ZNF836: variants seen among roughly 807,000 people sequenced by gnomAD.
The protein encoded by ZNF836 is zinc finger protein 836.
A neutral mutation model predicts 7.4 loss-of-function variants in ZNF836; 12 were observed. That is an observed-to-expected ratio of 1.61 (90% CI 1.03 to 2.61). The LOEUF (loss-of-function observed/expected upper bound fraction) is 2.61. ZNF836 is among the 30% of genes most tolerant of loss of function. The pLI is 0.00. For synonymous variants in ZNF836, 365 were observed against 382.6 expected (o/e 0.95, Z 0.54); for missense variants, 998 against 1,126.2 (o/e 0.89, Z 1.63).
At position 52,155,847 on chromosome 19, in the gene ZNF836, A is replaced by G; in HGVS notation, c.1836T>C (p.Cys612=). The G allele has an allele frequency of 6.2e-7, 1 of 1,614,010 alleles. No homozygotes were observed. Among genetic ancestry groups the G allele is most frequent in the South Asian group, 1.1e-5 (1 of 91,076 alleles). Residue 612 remains cysteine, a synonymous_variant, in exon 5 of 5, where the codon TGT becomes TGC. Coordinates refer to ENST00000682614, the MANE Select transcript of ZNF836 (RefSeq NM_001102657.3). Reference sequence around the variant, plus strand: ...CATTGAAGACCTTGCCACACACATTACATTTGTAAGGTTTCTGCCCAGTAT... The same window carrying G: ...CATTGAAGACCTTGCCACACACATTGCATTTGTAAGGTTTCTGCCCAGTAT... ...RIHTGQKPYK[C]NVCGKVFNDS... is the part of the protein sequence containing the mutation.
chr19:52,164,031 A>AGAAG (rs1042875086), intron 3 of ZNF836, among the ~76,000 whole-genome samples: 127 of 143,764 alleles, frequency 8.8e-4, no homozygotes, highest in African/African-American at 2.9e-3. Flanking sequence ...GAAAAGAAAA[A>AGAAG]GAAGGAAGGA....
chr19:52,154,881 C>T lies in ZNF836; in HGVS notation c.2802G>A (p.Gly934=). ...EKPLDVLLTS[G]FK ...TATCAATAAGTATGAATTATTTGAA[C>T]CCAGAAGTTAGGAGAACATCTAAAG... Residue 934 remains glycine, a synonymous_variant, in exon 5 of 5, where the codon GGG becomes GGA. Coordinates refer to ENST00000682614, the MANE Select transcript of ZNF836 (RefSeq NM_001102657.3). 1 of 1,516,736 alleles carries T rather than the reference C, an allele frequency of 6.6e-7. No homozygotes were observed. Among genetic ancestry groups the T allele is most frequent in the Non-Finnish European group, 8.8e-7 (1 of 1,135,142 alleles). The allele number at this position is 1,516,736 out of a possible 1,614,324, so 94.0% of individuals were successfully genotyped here.
intron 4 of ZNF836, 85 bp from the exon 5 acceptor site, chr19:52,157,625 G>T: frequency 7.7e-7 from 1 of 1,296,834 alleles, no homozygotes; most frequent in Admixed American, 3.5e-5. Context: ...GGCTGGAGTG[G>T]AGTGGCACAA....
rs559467225 is a variant in ZNF836, at chr19:52,155,868, A to G, written c.1815T>C (p.Thr605=). 6.2e-7 allele frequency: 1 copy of G among 1,613,776 alleles called. No homozygotes were observed. Among genetic ancestry groups the G allele is most frequent in the Admixed American group, 1.7e-5 (1 of 59,986 alleles). The change falls in exon 5 of 5, where the codon ACT becomes ACC. Residue 605 remains threonine, a synonymous_variant. Coordinates refer to ENST00000682614, the MANE Select transcript of ZNF836 (RefSeq NM_001102657.3). ...CATTACATTTGTAAGGTTTCTGCCC[A>G]GTATGAATTCTTAGATGACGTGCTA... ...SCLARHLRIH[T]GQKPYKCNVC...
chr19:52,171,200 A>T (rs567226641), intron 1 of ZNF836, 136 bp downstream of exon 1: 22 of 152,532 alleles, frequency 1.4e-4, no homozygotes, highest in African/African-American at 4.8e-4. Flanking sequence ...GGGCCGAAGC[A>T]GAGGTCAGTA....
At position 52,156,264 on chromosome 19, in the gene ZNF836, A is replaced by C; in HGVS notation, c.1419T>G (p.Asn473Lys). The C allele has an allele frequency of 1.2e-6, 2 of 1,614,168 alleles. No individual in the cohort carries two copies. The highest frequency in any genetic ancestry group is 1.7e-6 in the Non-Finnish European group (2 of 1,180,030). ...SHTGEKPYKC[N>K]ECGKVFSQTS... ...TCTGACTGAAGACCTTGCCACATTC[A>C]TTGCATTTGTAAGGTTTCTCTCCAG... The change falls in exon 5 of 5, where the codon AAT becomes AAG. Residue 473 changes from asparagine (N) to lysine (K), a missense_variant. Physicochemically the swap from Asn to Lys is moderately conservative, Grantham distance 94. Coordinates refer to ENST00000682614, the MANE Select transcript of ZNF836 (RefSeq NM_001102657.3).
At chr19:52,163,161 T>C (rs2089229194) in intron 3 of ZNF836, among the ~76,000 whole-genome samples, 1 of 152,228 alleles carries the variant, frequency 6.6e-6, no homozygotes, top group Admixed American at 6.5e-5. Flanking sequence ...CTCAAAGATC[T>C]CTAAAATGCC....
intron 2 of ZNF836, among the ~76,000 whole-genome samples, chr19:52,168,818 T>G (rs1398364695): frequency 1.3e-5 from 2 of 152,082 alleles, no homozygotes; most frequent in Non-Finnish European, 2.9e-5. Flanking sequence ...TGCAACAACA[T>G]GGATGAACCT....
At position 52,162,234 on chromosome 19, in the gene ZNF836, C is replaced by T. The variant is rs151216436; in HGVS notation, c.16-1643G>A. On this transcript the variant is annotated intron_variant, in intron 3 of 4. Transcript: ENST00000682614. Reference sequence around the variant, plus strand: ...TTTTGGGGTCTCAAAGGTGGCCCTGCTCCCAGGGCTTTACTGGACCTTATC... The same window carrying T: ...TTTTGGGGTCTCAAAGGTGGCCCTGTTCCCAGGGCTTTACTGGACCTTATC... 1.2e-4 allele frequency among the ~76,000 whole-genome samples: 18 copies of T among 152,308 alleles called. No individual in the cohort carries two copies. In the East Asian group the frequency reaches 3.3e-3, roughly 28 times the overall value.
chr19:52,167,310 A>G (rs2122230020), intron 3 of ZNF836, among the ~76,000 whole-genome samples: 1 of 151,744 alleles, frequency 6.6e-6, no homozygotes, highest in South Asian at 2.1e-4. Flanking sequence ...CATCTCTACT[A>G]AAAATACAAA....
rs375781569 is a variant in ZNF836 at position 52,154,847 on chromosome 19, T to C, written c.*25A>G. 1,636 of 1,473,954 alleles carry C rather than the reference T, an allele frequency of 1.1e-3. 1 individual carries two copies. The highest frequency in any genetic ancestry group is 1.4e-3 in the Non-Finnish European group (1,533 of 1,110,620). 91.3% of individuals were successfully genotyped at this position (1,473,954 alleles called of 1,614,324 possible). A position where few individuals can be genotyped will look rare whatever the true frequency, so the allele number is the denominator to read the frequency against. ...AGATTTCAGACGGAAGTGACAAATA[T>C]ACAAGCTATATCAATAAGTATGAAT... On this transcript the variant is annotated 3_prime_UTR_variant, in exon 5 of 5. Transcript: ENST00000682614.
intron 3 of ZNF836, among the ~76,000 whole-genome samples, chr19:52,166,928 GCAAA>G (rs2089270228): frequency 6.6e-6 from 1 of 151,454 alleles, no homozygotes; most frequent in South Asian, 2.1e-4. Context: ...GACTTTTACT[GCAAA>G]CAAATATATT....
At chr19:52,159,355 G>A (rs996219296) in intron 4 of ZNF836, among the ~76,000 whole-genome samples, 6 of 152,108 alleles carry the variant, frequency 3.9e-5, no homozygotes, top group African/African-American at 1.2e-4. Flanking sequence ...AATAAGGACA[G>A]TAAGACTGCC....
rs2089129970 is a variant in ZNF836, at chr19:52,154,214, CTAA to C, written c.*655_*657del. On this transcript the variant is annotated 3_prime_UTR_variant, in exon 5 of 5. Coordinates refer to ENST00000682614, the MANE Select transcript of ZNF836 (RefSeq NM_001102657.3). ...TACAGGCATGCATCACCATGCCTGG[CTAA>C]TGTTTATATTTTAGTAGAGACAACT... is the stretch of plus-strand genomic sequence containing the variant. 1 of 151,982 alleles carries C rather than the reference CTAA, an allele frequency of 6.6e-6. No homozygotes were observed. The highest frequency in any genetic ancestry group is 2.4e-5 in the African/African-American group (1 of 41,384). 9.4% of individuals were successfully genotyped at this position (151,982 alleles called of 1,614,324 possible).
intron 4 of ZNF836, among the ~76,000 whole-genome samples, chr19:52,158,239 A>G (rs2089183719): frequency 6.6e-6 from 1 of 152,180 alleles, no homozygotes; most frequent in African/African-American, 2.4e-5. Flanking sequence ...AGTTATATAC[A>G]TATATATTTA....
At chr19:52,168,895 A>G (rs1052592691) in intron 2 of ZNF836, among the ~76,000 whole-genome samples, 18 of 152,218 alleles carry the variant, frequency 1.2e-4, no homozygotes, top group Non-Finnish European at 7.3e-5. Flanking sequence ...CCTCACAAGC[A>G]GAATTTTAAA....
In ZNF836 at chr19:52,157,471, T is replaced by C; in HGVS notation, c.212A>G (p.Gln71Arg). 6.3e-7 allele frequency: 1 copy of C among 1,590,648 alleles called. No individual in the cohort carries two copies. Among genetic ancestry groups the C allele is most frequent in the Non-Finnish European group, 8.5e-7 (1 of 1,172,484 alleles). The change falls in exon 5 of 5, where the codon CAA becomes CGA. Residue 71 changes from glutamine (Q) to arginine (R), a missense_variant. Physicochemically the swap from Gln to Arg is conservative, Grantham distance 43. Coordinates refer to ENST00000682614, the MANE Select transcript of ZNF836 (RefSeq NM_001102657.3). ...IGNSNTGEKC[Q>R]TVTLERHECY... ...TTCATGTCTTTCCAGCGTCACTGTTTGGCATTTTTCTCCTGTATTACTGTT... is the reference window on the plus strand; with the variant it reads ...TTCATGTCTTTCCAGCGTCACTGTTCGGCATTTTTCTCCTGTATTACTGTT...
chr19:52,166,466 ATC>A (rs1458383627), intron 3 of ZNF836, among the ~76,000 whole-genome samples: 3 of 151,966 alleles, frequency 2.0e-5, no homozygotes, highest in Admixed American at 2.0e-4. Flanking sequence ...CATATCCATC[ATC>A]TCAGAGGTAC....
At position 52,156,468 on chromosome 19, in the gene ZNF836, C is replaced by CTGAT; in HGVS notation, c.1211_1214dup (p.Thr406SerfsTer5). ...AAGGTTTGTTTCCACTATGAACTGT[C>CTGAT]TGATGAGTTGCCAGGTTGGAACTTT... On this transcript the variant is annotated frameshift_variant, in exon 5 of 5. Coordinates refer to ENST00000682614, the MANE Select transcript of ZNF836 (RefSeq NM_001102657.3). LOFTEE classifies it low-confidence loss of function (END_TRUNC). 1 of 1,614,144 alleles carries CTGAT rather than the reference C, an allele frequency of 6.2e-7. No homozygotes were observed. Among genetic ancestry groups the CTGAT allele is most frequent in the Non-Finnish European group, 8.5e-7 (1 of 1,180,036 alleles).
Sources: gnomAD v4.1 joint callset for allele counts (sites outside exome capture counted in the v4.1 genomes callset) on GRCh38, gnomAD v4.1.1 for gene constraint, MANE v1.5 for transcripts, NCBI Gene and HGNC (gene_info 2026-07-23, HGNC 2026-07-21) for gene names.